Variants in RAD54L2 observed in about 807,000 individuals in gnomAD.
RAD54L2 encodes the protein helicase ARIP4.
A neutral mutation model predicts 138.4 loss-of-function variants in RAD54L2; 27 were observed. The ratio of observed to expected loss-of-function variants is 0.20; its 90% CI spans 0.14 to 0.27. The LOEUF (loss-of-function observed/expected upper bound fraction) is 0.27. Among genes scored for constraint, RAD54L2 ranks in the 10% least tolerant of loss-of-function variants. RAD54L2 has a pLI of 1.00. For missense variants in RAD54L2, 1,396 were observed against 1,890.2 expected, an observed-to-expected ratio of 0.74 and a Z score of 4.85; for synonymous variants, 644 against 723.2, an observed-to-expected ratio of 0.89 and a Z score of 1.76.
intron 3 of RAD54L2, among the ~76,000 whole-genome samples, chr3:51,597,953 CAAAA>C (rs758006704): frequency 3.3e-5 from 2 of 59,718 alleles, no homozygotes; most frequent in Admixed American, 2.0e-4. Context: ...GACTTTGTCT[CAAAA>C]AAAAAAAAAA....
intron 2 of RAD54L2, among the ~76,000 whole-genome samples, chr3:51,563,272 A>T (rs1699140085): frequency 6.6e-6 from 1 of 152,356 alleles, no homozygotes; most frequent in African/African-American, 2.4e-5. Context: ...TGAAGGATGT[A>T]AACGTATTAA....
At position 51,633,972 on chromosome 3, in the gene RAD54L2, A is replaced by T. The variant is rs1182211652; in HGVS notation, c.1079A>T (p.Asp360Val). 2.5e-6 allele frequency: 4 copies of T among 1,613,876 alleles called. No homozygotes were observed. Among genetic ancestry groups the T allele is most frequent in the Non-Finnish European group, 3.4e-6 (4 of 1,179,880 alleles). Reference protein sequence around the residue: ...WLPPPEALPADNKPEEVQPRF... With the variant: ...WLPPPEALPAVNKPEEVQPRF... The stretch of plus-strand genomic sequence containing the variant: ...CCACCTCCTGAAGCCCTCCCGGCTG[A>T]CAACAAGCCTGAAGAAGTCCAGCCT... The change falls in exon 9 of 23, where the codon GAC becomes GTC. Residue 360 changes from aspartate to valine, a missense_variant. Coordinates refer to ENST00000684192, the MANE Select transcript of RAD54L2 (RefSeq NM_015106.4).
chr3:51,569,650 G>A (rs1466489244), intron 2 of RAD54L2, among the ~76,000 whole-genome samples: 1 of 152,076 alleles, frequency 6.6e-6, no homozygotes, highest in African/African-American at 2.4e-5. Context: ...CCAAAGTGCT[G>A]GGATTACAGG....
chr3:51,631,004 A>G, intron 7 of RAD54L2, 73 bp downstream of exon 7: 2 of 1,434,088 alleles, frequency 1.4e-6, no homozygotes, highest in Admixed American at 1.8e-5. Flanking sequence ...GCTGGTGGTT[A>G]TTAGCGTCAC....
intron 3 of RAD54L2, among the ~76,000 whole-genome samples, chr3:51,610,298 C>T (rs1000906386): frequency 1.3e-5 from 2 of 152,068 alleles, no homozygotes; most frequent in African/African-American, 4.8e-5. Context: ...GTATCTCATT[C>T]ATTATTAAAG....
chr3:51,609,434 T>A (rs1700280693), intron 3 of RAD54L2, among the ~76,000 whole-genome samples: 1 of 152,270 alleles, frequency 6.6e-6, no homozygotes, highest in African/African-American at 2.4e-5. Flanking sequence ...TACTCTGTTC[T>A]CTGCTCCCAA....
chr3:51,667,168 CCTTT>C lies in RAD54L2; in HGVS notation c.*3749_*3752del, dbSNP rs1701928107. ...GGATATTACCTTCTGCTTCCCACTTCCTTTTTTTTTTTTTTGAGACAGAGTCTTG... is the reference window on the plus strand; with the variant it reads ...GGATATTACCTTCTGCTTCCCACTTCTTTTTTTTTTTGAGACAGAGTCTTG... On this transcript the variant is annotated 3_prime_UTR_variant, in exon 23 of 23. Coordinates refer to ENST00000684192, the MANE Select transcript of RAD54L2 (RefSeq NM_015106.4). 6.6e-6 allele frequency: 1 copy of C among 150,390 alleles called. No individual in the cohort carries two copies. The highest frequency in any genetic ancestry group is 2.1e-4 in the South Asian group (1 of 4,772). The allele number at this position is 150,390 out of a possible 1,614,324, so 9.3% of individuals were successfully genotyped here. A position where few individuals can be genotyped will look rare whatever the true frequency, so the allele number is the denominator to read the frequency against.
At position 51,646,393 on chromosome 3, in the gene RAD54L2, G is replaced by A. The variant is rs778882161; in HGVS notation, c.2938G>A (p.Val980Ile). 6.2e-7 allele frequency: 1 copy of A among 1,613,716 alleles called. No individual in the cohort carries two copies. The highest frequency in any genetic ancestry group is 1.3e-5 in the African/African-American group (1 of 74,914). Residue 980 changes from valine (V) to isoleucine (I), a missense_variant, in exon 19 of 23, where the codon GTC becomes ATC. Transcript: ENST00000684192. ...CTATGAGGAAGACAAACGCACATCA[G>A]TCCCCTATACCCGCCCATCGTATGC... ...KSYEEDKRTS[V>I]PYTRPSYAQY...
chr3:51,612,502 G>C (rs922084100), intron 3 of RAD54L2, among the ~76,000 whole-genome samples: 1 of 151,984 alleles, frequency 6.6e-6, no homozygotes, highest in Admixed American at 6.6e-5. Flanking sequence ...AAAAGAATCA[G>C]CTCAAATTTC....
Position 51,645,656 on chromosome 3 carries a change from C to T in RAD54L2, c.2722C>T (p.His908Tyr). ...ACGGAAAGAGGTGGAAAACCTACTG[C>T]ACTTTGTTGAGAAGGAGCCAGCTCC... ...FTRKEVENLL[H>Y]FVEKEPAPQV... Residue 908 changes from histidine (H) to tyrosine (Y), a missense_variant, in exon 18 of 23, where the codon CAC becomes TAC. His to Tyr is a moderately conservative substitution (Grantham distance 83). Coordinates refer to ENST00000684192, the MANE Select transcript of RAD54L2 (RefSeq NM_015106.4). This position sits in a 1 kb window ranked among gnomAD's most constrained non-coding sequence, Gnocchi z 6.1. 9 of 1,612,446 alleles carry T rather than the reference C, an allele frequency of 5.6e-6. No individual in the cohort carries two copies. Among genetic ancestry groups the T allele is most frequent in the Non-Finnish European group, 6.8e-6 (8 of 1,179,260 alleles).
Position 51,627,572 on chromosome 3 carries a change from G to A in RAD54L2, c.159G>A (p.Met53Ile). Residue 53 changes from methionine to isoleucine, a missense_variant, in exon 4 of 23, where the codon ATG becomes ATA. Physicochemically the swap from Met to Ile is conservative, Grantham distance 10. Around this residue, in one of 7 missense-constraint regions of RAD54L2, gnomAD observed 256 missense variants for 344.6 expected, o/e 0.74. Transcript: ENST00000684192. ...TTTCAGACCCATCCCTGGAAGGCAT[G>A]TGTGGCACTGAGCATGCCCAGTTGG... ...DLLDDPSLEG[M>I]CGTEHAQLGE... 6.4e-7 allele frequency: 1 copy of A among 1,552,522 alleles called. No homozygotes were observed. Among genetic ancestry groups the A allele is most frequent in the Non-Finnish European group, 8.7e-7 (1 of 1,147,992 alleles).
chr3:51,585,603 C>T (rs1699692208), intron 2 of RAD54L2, among the ~76,000 whole-genome samples: 1 of 152,144 alleles, frequency 6.6e-6, no homozygotes, highest in Admixed American at 6.6e-5. Flanking sequence ...GTGGCGTTGT[C>T]TTTGAACTTA....
At chr3:51,559,472 AACTGATTCATCCC>A (rs1159696811) in intron 2 of RAD54L2, among the ~76,000 whole-genome samples, 3 of 152,154 alleles carry the variant, frequency 2.0e-5, no homozygotes, top group Admixed American at 6.5e-5. Flanking sequence ...TTCAGATCCA[AACTGATTCATCCC>A]ACTGCCTCAC....
intron 2 of RAD54L2, among the ~76,000 whole-genome samples, chr3:51,587,344 C>T (rs1432187815): frequency 2.0e-5 from 3 of 151,770 alleles, no homozygotes; most frequent in African/African-American, 4.8e-5. Context: ...CCTCGTGATC[C>T]GCCTGCCTCG....
intron 7 of RAD54L2, among the ~76,000 whole-genome samples, chr3:51,632,584 C>T (rs1700876532): frequency 6.6e-6 from 1 of 150,630 alleles, no homozygotes; most frequent in African/African-American, 2.4e-5. Flanking sequence ...CACGAGCCAC[C>T]ATGCCTGGCC....
At chr3:51,655,362 G>A (rs1438855315) in intron 19 of RAD54L2, among the ~76,000 whole-genome samples, 1 of 152,054 alleles carries the variant, frequency 6.6e-6, no homozygotes, top group Non-Finnish European at 1.5e-5. Context: ...ATGACTGGAG[G>A]GGCACTTTGA....
intron 3 of RAD54L2, among the ~76,000 whole-genome samples, chr3:51,593,711 C>T (rs1699890634): frequency 6.6e-6 from 1 of 152,208 alleles, no homozygotes; most frequent in Non-Finnish European, 1.5e-5. Flanking sequence ...ATAGTTTACA[C>T]AAGCATGTGA....
At chr3:51,656,638 A>G (rs952704714) in intron 20 of RAD54L2, among the ~76,000 whole-genome samples, 2 of 152,196 alleles carry the variant, frequency 1.3e-5, no homozygotes, top group African/African-American at 2.4e-5. Flanking sequence ...CAGGTAGCCA[A>G]CCCATCCACT....
At chr3:51,552,991 T>C (rs1698876046) in intron 2 of RAD54L2, among the ~76,000 whole-genome samples, 1 of 152,218 alleles carries the variant, frequency 6.6e-6, no homozygotes, top group African/African-American at 2.4e-5. Flanking sequence ...TTGTCCTTTG[T>C]CAACTTTTTG....
Sources: allele counts gnomAD v4.1 joint callset (sites outside exome capture counted in the v4.1 genomes callset), GRCh38; gene constraint gnomAD v4.1.1; regional missense constraint gnomAD v4.1.1; non-coding constraint Gnocchi (gnomAD v3.1); transcripts MANE v1.5; gene names NCBI Gene and HGNC (gene_info 2026-07-23, HGNC 2026-07-21).